PALD1: variants seen among roughly 807,000 people sequenced by gnomAD.
PALD1 encodes the protein paladin.
A neutral mutation model predicts 96.0 loss-of-function variants in PALD1; 57 were observed. The observed-to-expected ratio is 0.59, with a 90% CI of 0.48 to 0.74. PALD1 has a LOEUF of 0.74. Among genes scored for constraint, PALD1 ranks in the 30% least tolerant of loss-of-function variants. The pLI is 0.00. For synonymous variants in PALD1, 464 were observed against 473.6 expected (o/e 0.98, Z 0.26); for missense variants, 1,063 against 1,143.7 (o/e 0.93, Z 1.02).
At chr10:70,498,267 T>C (rs1248457872) in intron 1 of PALD1, among the ~76,000 whole-genome samples, 1 of 152,196 alleles carries the variant, frequency 6.6e-6, no homozygotes, top group East Asian at 1.9e-4. Flanking sequence ...TTTTAAAAAA[T>C]GTTAACATTT....
chr10:70,550,621 G>A (rs964064835), intron 18 of PALD1, among the ~76,000 whole-genome samples: 1 of 152,094 alleles, frequency 6.6e-6, no homozygotes, highest in Non-Finnish European at 1.5e-5. Context: ...CCTCACACCC[G>A]CTAGCAATCG....
At chr10:70,461,959 AT>A in the PALD1 span, among the ~76,000 whole-genome samples, 1 of 151,880 alleles carries the variant, frequency 6.6e-6, no homozygotes, top group Admixed American at 6.6e-5. Context: ...TGCCCAGCGT[AT>A]TTTTGTATTA....
chr10:70,492,345 C>A (rs141567258), intron 1 of PALD1, among the ~76,000 whole-genome samples: 2 of 151,048 alleles, frequency 1.3e-5, no homozygotes, highest in Admixed American at 6.6e-5. Flanking sequence ...TTACATCCTG[C>A]GATTTGTATC....
chr10:70,508,828 T>C, intron 1 of PALD1, among the ~76,000 whole-genome samples: 1 of 58,956 alleles, frequency 1.7e-5, no homozygotes, highest in Non-Finnish European at 3.7e-5. Context: ...TGCAGGCCTG[T>C]GGGAGCTGCG....
chr10:70,497,370 C>T (rs1170632380), intron 1 of PALD1, among the ~76,000 whole-genome samples: 1 of 152,214 alleles, frequency 6.6e-6, no homozygotes, highest in Admixed American at 6.5e-5. Context: ...GGGGCCGGCG[C>T]ATGCCTGGCC....
Position 70,568,197 on chromosome 10 carries a change from A to G in PALD1, c.*1464A>G, listed in dbSNP as rs969156221. ...AATTAAGACGTTTTAATTTCTTTGCAGACAAGGTCTAGATGCGGAGTCAGA... is the reference window on the plus strand; with the variant it reads ...AATTAAGACGTTTTAATTTCTTTGCGGACAAGGTCTAGATGCGGAGTCAGA... On this transcript the variant is annotated 3_prime_UTR_variant, in exon 20 of 20. Transcript: ENST00000263563. 4.6e-5 allele frequency: 7 copies of G among 152,708 alleles called. No individual in the cohort carries two copies. Among genetic ancestry groups the G allele is most frequent in the African/African-American group, 1.7e-4 (7 of 41,438 alleles). 9.5% of individuals were successfully genotyped at this position (152,708 alleles called of 1,614,324 possible).
At chr10:70,529,536 C>T (rs1156996716) in intron 3 of PALD1, among the ~76,000 whole-genome samples, 1 of 152,018 alleles carries the variant, frequency 6.6e-6, no homozygotes, top group Admixed American at 6.6e-5. Flanking sequence ...CTACAAAAGC[C>T]CCTTCCAGGG....
chr10:70,538,763 G>T, intron 12 of PALD1, 129 bp from the exon 13 acceptor site: 2 of 772,954 alleles, frequency 2.6e-6, no homozygotes, highest in East Asian at 4.9e-5. Context: ...CTCCAAGTGT[G>T]CAGGAGTGCT....
chr10:70,476,427 G>T (rs1214091124), upstream of PALD1, among the ~76,000 whole-genome samples: 4 of 152,190 alleles, frequency 2.6e-5, no homozygotes, highest in Non-Finnish European at 5.9e-5. Flanking sequence ...TTGTGGTTGG[G>T]ACTTTTCTAG....
chr10:70,559,514 G>A (rs545540588), intron 18 of PALD1, among the ~76,000 whole-genome samples: 1 of 152,186 alleles, frequency 6.6e-6, no homozygotes, highest in African/African-American at 2.4e-5. Flanking sequence ...GACAGCAGGG[G>A]GCGGGAGAGG....
intron 1 of PALD1, among the ~76,000 whole-genome samples, chr10:70,508,565 G>A (rs1368615118): frequency 6.6e-6 from 1 of 152,194 alleles, no homozygotes; most frequent in Non-Finnish European, 1.5e-5. Context: ...CCAGTGATGC[G>A]CATGAGCACG....
In PALD1 at chr10:70,567,738, C is replaced by T. The variant is rs1210386734; in HGVS notation, c.*1005C>T. Reference sequence around the variant, plus strand: ...CCATCCTTGCTGAGCATCTTTGAGCCTGCCTTCCGGTGGGAGCAGAAAAGG... The same window carrying T: ...CCATCCTTGCTGAGCATCTTTGAGCTTGCCTTCCGGTGGGAGCAGAAAAGG... On this transcript the variant is annotated 3_prime_UTR_variant, in exon 20 of 20. Transcript: ENST00000263563. 2 of 152,824 alleles carry T rather than the reference C, an allele frequency of 1.3e-5. No individual in the cohort carries two copies. The highest frequency in any genetic ancestry group is 1.9e-4 in the East Asian group (1 of 5,216). 9.5% of individuals were successfully genotyped at this position (152,824 alleles called of 1,614,324 possible).
chr10:70,507,750 C>CGTGTGCGT (rs1554855496), intron 1 of PALD1, among the ~76,000 whole-genome samples: 31 of 148,644 alleles, frequency 2.1e-4, no homozygotes, highest in African/African-American at 7.2e-4. Flanking sequence ...TTTGTGTGTG[C>CGTGTGCGT]GTGTGTGTGT....
the PALD1 span, among the ~76,000 whole-genome samples, chr10:70,470,132 C>T: frequency 3.9e-5 from 6 of 152,116 alleles, no homozygotes; most frequent in South Asian, 2.1e-4. Flanking sequence ...TTATGTCCAT[C>T]GTATTCTGAT....
the PALD1 span, among the ~76,000 whole-genome samples, chr10:70,468,913 G>A: frequency 9.2e-5 from 14 of 152,268 alleles, no homozygotes; most frequent in Admixed American, 7.2e-4. Flanking sequence ...CACACAGCTG[G>A]TAAGGGACAG....
chr10:70,538,962 G>A lies in PALD1; in HGVS notation c.1523G>A (p.Arg508Gln), dbSNP rs536704106. Residue 508 changes from arginine to glutamine, a missense_variant, in exon 13 of 20, where the codon CGG (arginine) becomes CAG (glutamine). Physicochemically the swap from Arg to Gln is conservative, Grantham distance 43 (BLOSUM62 1). Transcript: ENST00000263563. ...VREMDVANFR[R>Q]VPRMPIYGTA... ...GAGATGGATGTGGCCAACTTCCGGC[G>A]GGTGCCCCGCATGCCCATCTACGGC... 11 of 1,613,840 alleles carry A rather than the reference G, an allele frequency of 6.8e-6. No homozygotes were observed. The African/African-American group carries it at 8.0e-5, about 12-fold the overall frequency.
the PALD1 span, among the ~76,000 whole-genome samples, chr10:70,461,416 G>A: frequency 8.8e-4 from 134 of 152,348 alleles, no homozygotes; most frequent in African/African-American, 3.2e-3. Context: ...CCACCAGATG[G>A]CAAGCTCCAC....
the PALD1 span, among the ~76,000 whole-genome samples, chr10:70,463,310 T>G: frequency 2.0e-5 from 3 of 151,942 alleles, no homozygotes; most frequent in Non-Finnish European, 4.4e-5. Flanking sequence ...ACGGGGAGGC[T>G]GAGGCAGGAG....
chr10:70,474,908 T>C (rs1220260447), upstream of PALD1, among the ~76,000 whole-genome samples: 1 of 152,038 alleles, frequency 6.6e-6, no homozygotes, highest in Non-Finnish European at 1.5e-5. Flanking sequence ...CATGGGCAGA[T>C]AGGGGAGGAG....
Sources: gnomAD v4.1 joint callset for allele counts (sites outside exome capture counted in the v4.1 genomes callset) on GRCh38, gnomAD v4.1.1 for gene constraint, MANE v1.5 for transcripts, NCBI Gene and HGNC (gene_info 2026-07-23, HGNC 2026-07-21) for gene names.